The following MYOT variants were observed in gnomAD, a reference collection of about 807,000 sequenced individuals.
MYOT encodes the protein myotilin.
MYOT carries 36 observed loss-of-function variants against 58.0 expected under a neutral mutation model. The ratio of observed to expected loss-of-function variants is 0.62; its 90% CI spans 0.48 to 0.82. The LOEUF is 0.82. Among genes scored for constraint, MYOT ranks in the 40% least tolerant of loss-of-function variants. The probability of loss-of-function intolerance (pLI) is 0.00; values close to 1 mark genes in which losing one functional copy is unlikely to be tolerated. For missense variants in MYOT, 505 were observed against 592.1 expected, an observed-to-expected ratio of 0.85 and a Z score of 1.53; for synonymous variants, 218 against 204.6, an observed-to-expected ratio of 1.07 and a Z score of -0.56.
chr5:137,886,042 A>T lies in MYOT; in HGVS notation c.1025-6A>T. On this transcript the variant is annotated splice_polypyrimidine_tract_variant and splice_region_variant and intron_variant, in intron 7 of 9. Transcript: ENST00000239926. ...CAAATACTTGAATTTTTGTATTAATATATAGCAAAAGAACATAAAAGAGCA... is the reference window on the plus strand; with the variant it reads ...CAAATACTTGAATTTTTGTATTAATTTATAGCAAAAGAACATAAAAGAGCA... The T allele has an allele frequency of 6.5e-7, 1 of 1,548,296 alleles. No individual in the cohort carries two copies. Among genetic ancestry groups the T allele is most frequent in the Non-Finnish European group, 8.9e-7 (1 of 1,124,966 alleles).
rs150015258 is a variant in MYOT, at chr5:137,872,681, C to A, written c.356+1674C>A. ...TCCCTCGTTATTATGGGCTCCAGTT[C>A]GCCCTGACTTCCAAAATAATCCCTT... is the stretch of plus-strand genomic sequence containing the variant. On this transcript the variant is annotated intron_variant, in intron 2 of 9. Transcript: ENST00000239926. 2.0e-4 allele frequency among the ~76,000 whole-genome samples: 31 copies of A among 152,282 alleles called. No homozygotes were observed. The East Asian group carries it at 5.8e-3, about 28-fold the overall frequency.
intron 5 of MYOT, 139 bp downstream of exon 5, chr5:137,881,004 A>T: frequency 1.5e-6 from 1 of 648,026 alleles, no homozygotes. Context: ...ATGTCTGAGA[A>T]GATGACCAAA....
intron 5 of MYOT, 128 bp from the exon 6 acceptor site, chr5:137,881,845 G>A: frequency 2.1e-6 from 2 of 957,978 alleles, no homozygotes; most frequent in Non-Finnish European, 3.2e-6. Context: ...TTGGGCCACT[G>A]TACTCCAGCC....
At chr5:137,878,696 G>A (rs1755314466) in intron 4 of MYOT, among the ~76,000 whole-genome samples, 1 of 151,718 alleles carries the variant, frequency 6.6e-6, no homozygotes, top group Admixed American at 6.6e-5. Flanking sequence ...GGTGGCCTGC[G>A]CCTGTAGTCC....
At chr5:137,873,619 T>C (rs1175035944) in intron 2 of MYOT, among the ~76,000 whole-genome samples, 2 of 152,288 alleles carry the variant, frequency 1.3e-5, no homozygotes, top group East Asian at 1.9e-4. Flanking sequence ...CAAAGAGATT[T>C]TGACACTTTG....
intron 6 of MYOT, chr5:137,882,936 A>G (rs1755483312): frequency 5.9e-6 from 1 of 168,562 alleles, no homozygotes; most frequent in African/African-American, 2.4e-5. Flanking sequence ...ACACTTAACA[A>G]ATTGCCATTT....
In MYOT at chr5:137,881,956, C is replaced by A; in HGVS notation, c.684-17C>A. The A allele has an allele frequency of 6.2e-7, 1 of 1,612,670 alleles. No homozygotes were observed. Among genetic ancestry groups the A allele is most frequent in the Non-Finnish European group, 8.5e-7 (1 of 1,178,754 alleles). On this transcript the variant is annotated splice_polypyrimidine_tract_variant and intron_variant, in intron 5 of 9. Transcript: ENST00000239926. The stretch of plus-strand genomic sequence containing the variant: ...TGATAATATTTACGCATAGTTGTTA[C>A]CAAAATATTCTTGTAGAAGTAGATC...
intron 7 of MYOT, among the ~76,000 whole-genome samples, chr5:137,884,077 T>C (rs1755520892): frequency 6.6e-6 from 1 of 152,218 alleles, no homozygotes; most frequent in African/African-American, 2.4e-5. Context: ...CTGGGTATAG[T>C]GACTCAGGCC....
chr5:137,883,149 A>G, intron 6 of MYOT: 1 of 502,986 alleles, frequency 2.0e-6, no homozygotes. Context: ...AAAGAGACTG[A>G]GGTTGCATGT....
intron 2 of MYOT, among the ~76,000 whole-genome samples, chr5:137,874,450 G>C (rs576263528): frequency 6.6e-5 from 10 of 152,186 alleles, no homozygotes; most frequent in African/African-American, 2.2e-4. Context: ...CTGGGCAACA[G>C]AGCGGGACTC....
intron 5 of MYOT, 104 bp from the exon 6 acceptor site, chr5:137,881,869 T>C: frequency 2.4e-6 from 3 of 1,242,920 alleles, no homozygotes; most frequent in Non-Finnish European, 3.5e-6. Context: ...GCAACAAGAG[T>C]GAAACTCCAT....
chr5:137,881,998 G>A lies in MYOT; in HGVS notation c.709G>A (p.Val237Met), dbSNP rs749030207. 2.5e-6 allele frequency: 4 copies of A among 1,613,924 alleles called. No individual in the cohort carries two copies. The highest frequency in any genetic ancestry group is 3.4e-6 in the Non-Finnish European group (4 of 1,179,902). ...VRSRSTSRGD[V>M]NDQDAIQEKF... ...AAGTAGATCAACCTCAAGGGGAGATGTGAATGATCAGGATGCAATCCAGGA... is the reference window on the plus strand; with the variant it reads ...AAGTAGATCAACCTCAAGGGGAGATATGAATGATCAGGATGCAATCCAGGA... Residue 237 changes from valine (V) to methionine (M), a missense_variant, in exon 6 of 10, where the codon GTG (valine) becomes ATG (methionine). Physicochemically the swap from Val to Met is conservative, Grantham distance 21 (BLOSUM62 1). Transcript: ENST00000239926.
At chr5:137,880,704 C>A in intron 4 of MYOT, 112 bp from the exon 5 acceptor site, 2 of 856,896 alleles carry the variant, frequency 2.3e-6, no homozygotes, top group Non-Finnish European at 3.9e-6. Flanking sequence ...CTTACCAGGG[C>A]TGTTCAAATA....
rs765836647 is a variant in MYOT, at chr5:137,886,231, A to G, written c.1190+18A>G. On this transcript the variant is annotated intron_variant, in intron 8 of 9. Coordinates refer to ENST00000239926, the MANE Select transcript of MYOT (RefSeq NM_006790.3). The stretch of plus-strand genomic sequence containing the variant: ...CGAATAAGGTAGGATATGTATTTCT[A>G]GACTTACTATAGTTTATTTGGGTGA... The G allele has an allele frequency of 1.3e-6, 2 of 1,581,854 alleles. No homozygotes were observed. Among genetic ancestry groups the G allele is most frequent in the Admixed American group, 3.3e-5 (2 of 59,810 alleles).
chr5:137,876,354 G>C (rs570634209), intron 3 of MYOT, among the ~76,000 whole-genome samples: 20 of 152,198 alleles, frequency 1.3e-4, no homozygotes, highest in Admixed American at 9.2e-4. Flanking sequence ...GGTAATTATT[G>C]CTATAATTCT....
chr5:137,885,237 G>A (rs1448007826), intron 7 of MYOT, among the ~76,000 whole-genome samples: 1 of 152,050 alleles, frequency 6.6e-6, no homozygotes, highest in East Asian at 1.9e-4. Context: ...AGTTTACAAA[G>A]TATCTCTTTG....
chr5:137,882,207 C>A, intron 6 of MYOT, 102 bp downstream of exon 6: 1 of 1,309,834 alleles, frequency 7.6e-7, no homozygotes, highest in Non-Finnish European at 1.1e-6. Context: ...GCAGTACGTA[C>A]AATGGACAAG....
chr5:137,873,354 C>T (rs1755109376), intron 2 of MYOT, among the ~76,000 whole-genome samples: 1 of 151,850 alleles, frequency 6.6e-6, no homozygotes. Context: ...TGGTGAAACC[C>T]TGTCTCTACT....
At chr5:137,870,300 C>CAT (rs1554102527) in intron 1 of MYOT, 141 bp from the exon 2 acceptor site, 1 of 378,036 alleles carries the variant, frequency 2.6e-6, no homozygotes, top group Non-Finnish European at 5.0e-6. Context: ...CACACACACA[C>CAT]ACACACACAC....
Sources: allele counts gnomAD v4.1 joint callset (sites outside exome capture counted in the v4.1 genomes callset), GRCh38; gene constraint gnomAD v4.1.1; transcripts MANE v1.5; gene names NCBI Gene and HGNC (gene_info 2026-07-23, HGNC 2026-07-21).